The following CEACAM3 variants were observed in gnomAD, a reference collection of about 807,000 sequenced individuals.
The protein encoded by CEACAM3 is cell adhesion molecule CEACAM3.
In CEACAM3, 32 loss-of-function variants were observed where a neutral mutation model predicts 30.1. The ratio of observed to expected loss-of-function variants is 1.06; its 90% CI spans 0.80 to 1.43. CEACAM3 has a LOEUF of 1.43. Among genes scored for constraint, CEACAM3 ranks in the 40% most tolerant of loss-of-function variants. CEACAM3 has a pLI of 0.00. For missense variants in CEACAM3, 290 were observed against 316.3 expected (o/e 0.92, Z 0.63); for synonymous variants, 134 against 127.2 (o/e 1.05, Z -0.36).
chr19:41,810,286 C>G lies in CEACAM3; in HGVS notation c.596-37C>G, dbSNP rs373324140. The G allele has an allele frequency of 3.0e-5, 48 of 1,594,120 alleles. No individual in the cohort carries two copies. The African/African-American group carries it at 6.3e-4, about 21-fold the overall frequency. Reference sequence around the variant, plus strand: ...TTCCTGGAGAGGGGATAAGGCTCTCCTCCCACCCTGCTGCTCACTCCTGTC... The same window carrying G: ...TTCCTGGAGAGGGGATAAGGCTCTCGTCCCACCCTGCTGCTCACTCCTGTC... On this transcript the variant is annotated intron_variant, in intron 4 of 6. Coordinates refer to ENST00000357396, the MANE Select transcript of CEACAM3 (RefSeq NM_001815.5).
intron 1 of CEACAM3, 63 bp from the exon 2 acceptor site, chr19:41,797,526 G>T: frequency 9.6e-6 from 15 of 1,560,184 alleles, no homozygotes; most frequent in Non-Finnish European, 1.3e-5. Context: ...TCAGGACCCA[G>T]GGCCCCATCT....
At chr19:41,804,134 A>T (rs1458354386) in intron 2 of CEACAM3, among the ~76,000 whole-genome samples, 2 of 152,108 alleles carry the variant, frequency 1.3e-5, no homozygotes, top group Non-Finnish European at 2.9e-5. Context: ...TCAACTTCAC[A>T]TTCAAGATTT....
In CEACAM3 at chr19:41,811,121, C is replaced by A. The variant is rs782729512; in HGVS notation, c.694-51C>A. 3 of 1,589,062 alleles carry A rather than the reference C, an allele frequency of 1.9e-6. No homozygotes were observed. The South Asian group carries it at 3.3e-5, about 18-fold the overall frequency. On this transcript the variant is annotated intron_variant, in intron 6 of 6. Transcript: ENST00000357396. ...GGCCCAGAGCCTGGGAGACGCCACA[C>A]CCTGTTCTGAGGAGACTAGAGGGGT...
chr19:41,808,775 C>T (rs782348401), intron 2 of CEACAM3, 38 bp from the exon 3 acceptor site: 2 of 1,540,974 alleles, frequency 1.3e-6, no homozygotes, highest in Admixed American at 1.7e-5. Context: ...CTGGGATAGA[C>T]TTGGGCCTCT....
At chr19:41,803,213 G>A (rs958109714) in intron 2 of CEACAM3, among the ~76,000 whole-genome samples, 5 of 152,162 alleles carry the variant, frequency 3.3e-5, no homozygotes, top group Admixed American at 1.3e-4. Context: ...ACCCCATGCA[G>A]GAACAGATGG....
At chr19:41,809,834 A>G in intron 3 of CEACAM3, 131 bp from the exon 4 acceptor site, 1 of 875,208 alleles carries the variant, frequency 1.1e-6, no homozygotes, top group Non-Finnish European at 1.9e-6. Context: ...TCCCCCTAAC[A>G]CAAACCTGAG....
At position 41,800,342 on chromosome 19, in the gene CEACAM3, C is replaced by A. The variant is rs1390655618; in HGVS notation, c.424+2394C>A. On this transcript the variant is annotated intron_variant, in intron 2 of 6. Coordinates refer to ENST00000357396, the MANE Select transcript of CEACAM3 (RefSeq NM_001815.5). The stretch of plus-strand genomic sequence containing the variant: ...TAGCGCCTGGGAAGACGCCCGTTGC[C>A]AGGCAGACCGAGGTCTAGCGGTAGC... Among the ~76,000 whole-genome samples, 3 of 152,282 alleles carry A rather than the reference C, an allele frequency of 2.0e-5. No homozygotes were observed. The South Asian group carries it at 6.2e-4, about 32-fold the overall frequency.
intron 2 of CEACAM3, 82 bp downstream of exon 2, chr19:41,798,030 T>A: frequency 6.5e-7 from 1 of 1,534,614 alleles, no homozygotes; most frequent in Non-Finnish European, 8.7e-7. Flanking sequence ...GGGCTGTGCC[T>A]GTGGCCCTCT....
chr19:41,803,068 C>CA (rs61098711), intron 2 of CEACAM3, among the ~76,000 whole-genome samples: 24 of 151,200 alleles, frequency 1.6e-4, no homozygotes, highest in African/African-American at 4.4e-4. Context: ...AAGGCAAAAA[C>CA]AAAAAAAAAT....
chr19:41,808,948 C>G lies in CEACAM3; in HGVS notation c.542+18C>G. On this transcript the variant is annotated intron_variant, in intron 3 of 6. Coordinates refer to ENST00000357396, the MANE Select transcript of CEACAM3 (RefSeq NM_001815.5). Reference sequence around the variant, plus strand: ...ACTGGAAGGTACCACAGCTTTTTCCCATCCTTCTCCCACCCCCTAGGCTGA... The same window carrying G: ...ACTGGAAGGTACCACAGCTTTTTCCGATCCTTCTCCCACCCCCTAGGCTGA... 1 of 1,520,870 alleles carries G rather than the reference C, an allele frequency of 6.6e-7. No individual in the cohort carries two copies. Among genetic ancestry groups the G allele is most frequent in the Non-Finnish European group, 8.9e-7 (1 of 1,124,660 alleles). The allele number at this position is 1,520,870 out of a possible 1,614,324, so 94.2% of individuals were successfully genotyped here.
Position 41,807,765 on chromosome 19 carries a change from G to A in CEACAM3, c.425-1048G>A, listed in dbSNP as rs368926686. On this transcript the variant is annotated intron_variant, in intron 2 of 6. Coordinates refer to ENST00000357396, the MANE Select transcript of CEACAM3 (RefSeq NM_001815.5). ...TGATATCATCTATGACTTTATTCTC[G>A]CTACTCCAGATGGACCGGGCATTCC... 2.8e-4 allele frequency: 156 copies of A among 549,614 alleles called. 1 individual carries two copies. The highest frequency in any genetic ancestry group is 1.6e-3 in the South Asian group (79 of 49,346). The allele number at this position is 549,614 out of a possible 1,614,324, so 34.0% of individuals were successfully genotyped here.
intron 2 of CEACAM3, among the ~76,000 whole-genome samples, chr19:41,808,567 A>G (rs1555827110): frequency 6.6e-6 from 1 of 152,206 alleles, no homozygotes; most frequent in African/African-American, 2.4e-5. Flanking sequence ...AAGGCACAGG[A>G]GCAGGGTGAG....
chr19:41,809,505 C>A (rs913569910), intron 3 of CEACAM3: 7 of 168,312 alleles, frequency 4.2e-5, no homozygotes, highest in Non-Finnish European at 7.7e-5. Flanking sequence ...AGAGAGAGGA[C>A]AAGGACACTG....
rs549949173 is a variant in CEACAM3 at position 41,809,822 on chromosome 19, G to A, written c.543-143G>A. 16 of 767,828 alleles carry A rather than the reference G, an allele frequency of 2.1e-5. No individual in the cohort carries two copies. The East Asian group carries it at 4.0e-4, about 19-fold the overall frequency. 47.6% of individuals were successfully genotyped at this position (767,828 alleles called of 1,614,324 possible). On this transcript the variant is annotated intron_variant, in intron 3 of 6. Transcript: ENST00000357396. ...CCTTTCCTCAACTCCCCTCTGCTGG[G>A]CTCCCCCTAACACAAACCTGAGGGA...
In CEACAM3 at chr19:41,797,872, C is replaced by T; in HGVS notation, c.348C>T (p.Asp116=). Residue 116 remains aspartate, a synonymous_variant, in exon 2 of 7, where the codon GAC becomes GAT. Transcript: ENST00000357396. ...TGATCCAGAATGTCACCCAGAATGA[C>T]ATAGGATTCTACACCCTACAAGTCA... ...SLLIQNVTQN[D]IGFYTLQVIK... is the part of the protein sequence containing the mutation. The T allele has an allele frequency of 6.2e-7, 1 of 1,614,022 alleles. No homozygotes were observed.
At chr19:41,797,138 C>A (rs1311708410) in intron 1 of CEACAM3, 2 of 235,704 alleles carry the variant, frequency 8.5e-6, no homozygotes, top group African/African-American at 2.3e-5. Flanking sequence ...TAGGCACTGG[C>A]GTACAACAAA....
chr19:41,804,647 T>C lies in CEACAM3; in HGVS notation c.425-4166T>C, dbSNP rs555836932. On this transcript the variant is annotated intron_variant, in intron 2 of 6. Transcript: ENST00000357396. ...CACAATTCTCTCTCTACCCAGAGAG[T>C]CACTGATTTCAAACCAAAGTCAGCA... Among the ~76,000 whole-genome samples, 3 of 152,184 alleles carry C rather than the reference T, an allele frequency of 2.0e-5. No homozygotes were observed. The South Asian group carries it at 6.2e-4, about 32-fold the overall frequency.
chr19:41,809,824 TC>T lies in CEACAM3; in HGVS notation c.543-136del, dbSNP rs564870239. ...TTTCCTCAACTCCCCTCTGCTGGGCTCCCCCTAACACAAACCTGAGGGAGAC... is the reference window on the plus strand; with the variant it reads ...TTTCCTCAACTCCCCTCTGCTGGGCTCCCCTAACACAAACCTGAGGGAGAC... On this transcript the variant is annotated intron_variant, in intron 3 of 6. Transcript: ENST00000357396. The T allele has an allele frequency of 1.9e-4, 145 of 774,212 alleles. No homozygotes were observed. In the African/African-American group the frequency reaches 2.2e-3, roughly 12 times the overall value. 48.0% of individuals were successfully genotyped at this position (774,212 alleles called of 1,614,324 possible). A position where few individuals can be genotyped will look rare whatever the true frequency, so the allele number is the denominator to read the frequency against.
chr19:41,797,529 C>T, intron 1 of CEACAM3, 60 bp from the exon 2 acceptor site: 2 of 1,560,432 alleles, frequency 1.3e-6, no homozygotes, highest in East Asian at 4.5e-5. Context: ...GGACCCAGGG[C>T]CCCATCTTTC....
Sources: allele counts gnomAD v4.1 joint callset (sites outside exome capture counted in the v4.1 genomes callset), GRCh38; gene constraint gnomAD v4.1.1; transcripts MANE v1.5; gene names NCBI Gene and HGNC (gene_info 2026-07-23, HGNC 2026-07-21).